Variants in SMC3 observed in about 807,000 individuals in gnomAD.
SMC3 encodes the protein structural maintenance of chromosomes protein 3.
Under a neutral mutation model 171.8 loss-of-function variants are expected in SMC3, and 20 were observed. The observed-to-expected ratio is 0.12, with a 90% CI of 0.08 to 0.17. The LOEUF (loss-of-function observed/expected upper bound fraction) is 0.17. Among genes scored for constraint, SMC3 ranks in the 10% least tolerant of loss-of-function variants. The probability of loss-of-function intolerance (pLI) is 1.00; values close to 1 mark genes in which losing one functional copy is unlikely to be tolerated. For missense variants in SMC3, 543 were observed against 1,420.4 expected (o/e 0.38, Z 9.93); for synonymous variants, 464 against 451.1 (o/e 1.03, Z -0.36).
In SMC3 at chr10:110,593,136, G is replaced by T; in HGVS notation, c.1876G>T (p.Val626Leu). The T allele has an allele frequency of 6.2e-7, 1 of 1,613,374 alleles. No homozygotes were observed. The highest frequency in any genetic ancestry group is 8.5e-7 in the Non-Finnish European group (1 of 1,179,282). ...NPRFDKAFKH[V>L]FGKTLICRSM... ...CAGATTTGACAAAGCTTTCAAACAT[G>T]TGTTTGGAAAGACTCTTATTTGTCG... The change falls in exon 18 of 29, where the codon GTG becomes TTG. Residue 626 changes from valine (V) to leucine (L), a missense_variant. Val to Leu is a conservative substitution (Grantham distance 32). Transcript: ENST00000361804.
intron 18 of SMC3, among the ~76,000 whole-genome samples, chr10:110,593,918 G>A (rs1861251157): frequency 6.6e-6 from 1 of 152,060 alleles, no homozygotes; most frequent in South Asian, 2.1e-4. Context: ...AACCTGGGAG[G>A]CAGAGGGTGC....
chr10:110,574,517 T>C (rs963976900), intron 3 of SMC3, among the ~76,000 whole-genome samples: 1 of 152,246 alleles, frequency 6.6e-6, no homozygotes, highest in Non-Finnish European at 1.5e-5. Flanking sequence ...AAAGGCACTC[T>C]CTAGCCTGTA....
At chr10:110,575,083 C>T (rs1223332835) in intron 3 of SMC3, among the ~76,000 whole-genome samples, 4 of 152,016 alleles carry the variant, frequency 2.6e-5, no homozygotes, top group East Asian at 3.9e-4. Context: ...TCATGTATTT[C>T]GGTGGTTTCT....
Position 110,600,540 on chromosome 10 carries a change from A to T in SMC3, c.2529A>T (p.Val843=). 1 of 1,506,214 alleles carries T rather than the reference A, an allele frequency of 6.6e-7. No individual in the cohort carries two copies. Among genetic ancestry groups the T allele is most frequent in the Non-Finnish European group, 9.2e-7 (1 of 1,081,938 alleles). The allele number at this position is 1,506,214 out of a possible 1,614,324, so 93.3% of individuals were successfully genotyped here. ...ATCTGAGAAAACGCTTGGACCAAGT[A>T]GAACAGGTGTGTATGTGTTTTTTTT... ...NENLRKRLDQ[V]EQELNELRET... is the part of the protein sequence containing the mutation. Residue 843 remains valine, a synonymous_variant, in exon 22 of 29, where the codon GTA becomes GTT. Coordinates refer to ENST00000361804, the MANE Select transcript of SMC3 (RefSeq NM_005445.4).
At chr10:110,592,438 GTGT>G (rs1861222635) in intron 17 of SMC3, among the ~76,000 whole-genome samples, 1 of 151,912 alleles carries the variant, frequency 6.6e-6, no homozygotes, top group African/African-American at 2.4e-5. Flanking sequence ...GGTTATGTTG[GTGT>G]TCTATTAATT....
intron 25 of SMC3, 106 bp downstream of exon 25, chr10:110,602,284 C>G (rs1022229427): frequency 2.7e-6 from 3 of 1,096,466 alleles, no homozygotes; most frequent in South Asian, 1.3e-5. Context: ...CCAGGTGAAT[C>G]TAATACATGT....
In SMC3 at chr10:110,583,160, G is replaced by T. The variant is rs148447378; in HGVS notation, c.805-224G>T. 3.3e-3 allele frequency among the ~76,000 whole-genome samples: 502 copies of T among 152,216 alleles called. 3 individuals are homozygous for T. Among genetic ancestry groups the T allele is most frequent in the African/African-American group, 0.011 (467 of 41,520 alleles). ...TCCCACCTGGGCCTCCCAAAGTGCT[G>T]AGTTTACAGGCATGAGCAACCATGT... On this transcript the variant is annotated intron_variant, in intron 10 of 28. Transcript: ENST00000361804.
chr10:110,577,725 A>G, intron 5 of SMC3, 110 bp from the exon 6 acceptor site: 2 of 778,644 alleles, frequency 2.6e-6, no homozygotes, highest in Non-Finnish European at 2.1e-6. Flanking sequence ...TAGTGAGATA[A>G]TTGAAATTTT....
chr10:110,604,756 G>T lies in SMC3; in HGVS notation c.*454G>T. On this transcript the variant is annotated 3_prime_UTR_variant, in exon 29 of 29. Coordinates refer to ENST00000361804, the MANE Select transcript of SMC3 (RefSeq NM_005445.4). ...TTTAAAAGACCTGTCTCCAAATACAGTTAAATTTGAGGTATTGAGGGTTAG... is the reference window on the plus strand; with the variant it reads ...TTTAAAAGACCTGTCTCCAAATACATTTAAATTTGAGGTATTGAGGGTTAG... 1 of 166,666 alleles carries T rather than the reference G, an allele frequency of 6.0e-6. No homozygotes were observed. The highest frequency in any genetic ancestry group is 1.3e-5 in the Non-Finnish European group (1 of 77,120). The allele number at this position is 166,666 out of a possible 1,614,324, so 10.3% of individuals were successfully genotyped here.
intron 7 of SMC3, among the ~76,000 whole-genome samples, chr10:110,580,588 G>T (rs1861016635): frequency 6.6e-6 from 1 of 152,160 alleles, no homozygotes; most frequent in South Asian, 2.1e-4. Flanking sequence ...AACTTGGCAT[G>T]TCCCAAATTC....
rs144693211 is a variant in SMC3 at position 110,569,655 on chromosome 10, C to G, written c.91+642C>G. On this transcript the variant is annotated intron_variant, in intron 2 of 28. Transcript: ENST00000361804. ...GAAAAAAAAAATCCCAGTTGTGGCACACGTTCTTTTTCACTTTCTGAGAAG... is the reference window on the plus strand; with the variant it reads ...GAAAAAAAAAATCCCAGTTGTGGCAGACGTTCTTTTTCACTTTCTGAGAAG... Among the ~76,000 whole-genome samples the G allele has an allele frequency of 1.1e-4, 17 of 152,176 alleles. No homozygotes were observed. The East Asian group carries it at 3.3e-3, about 29-fold the overall frequency.
At chr10:110,572,157 C>G (rs1213514828) in intron 2 of SMC3, among the ~76,000 whole-genome samples, 2 of 152,188 alleles carry the variant, frequency 1.3e-5, no homozygotes, top group African/African-American at 4.8e-5. Flanking sequence ...TCCCCACTTG[C>G]TGTATCATTT....
intron 2 of SMC3, among the ~76,000 whole-genome samples, chr10:110,571,799 T>TAAAAATGGGTTCATTTTTAAATA (rs1339866035): frequency 5.5e-4 from 28 of 51,240 alleles, no homozygotes; most frequent in Admixed American, 1.3e-3. Context: ...CATTTTTAAA[T>TAAAAATGGGTTCATTTTTAAATA]AAAAATGGGT....
Position 110,602,684 on chromosome 10 carries a change from C to A in SMC3, c.3297+19C>A, listed in dbSNP as rs781556692. ...AATTAGGGTAAAATACCTTTATATT[C>A]CATTTTCCTCAGAGCATTACCATAA... On this transcript the variant is annotated intron_variant, in intron 26 of 28. Transcript: ENST00000361804. 6.2e-7 allele frequency: 1 copy of A among 1,601,948 alleles called. No homozygotes were observed.
At chr10:110,582,359 TA>T (rs1590555520) in intron 9 of SMC3, among the ~76,000 whole-genome samples, 2 of 13,180 alleles carry the variant, frequency 1.5e-4, no homozygotes, top group East Asian at 2.0e-3. Context: ...AGGCTTCTTG[TA>T]GTTGTAGTAT....
In SMC3 at chr10:110,596,507, A is replaced by G. The variant is rs1246917337; in HGVS notation, c.2073A>G (p.Glu691=). ...GAAAAGCAGAAGAAGAACTAGGTGA[A>G]CTTGAAGCAAAGCTCAATGAAAACC... The part of the protein sequence containing the change: ...DVRKAEEELG[E]LEAKLNENLR... The change falls in exon 19 of 29, where the codon GAA becomes GAG. Residue 691 remains glutamate (E), a synonymous_variant. Coordinates refer to ENST00000361804, the MANE Select transcript of SMC3 (RefSeq NM_005445.4). 6.2e-7 allele frequency: 1 copy of G among 1,614,104 alleles called. No homozygotes were observed. The highest frequency in any genetic ancestry group is 8.5e-7 in the Non-Finnish European group (1 of 1,179,988).
intron 13 of SMC3, among the ~76,000 whole-genome samples, chr10:110,585,152 G>T (rs907169321): frequency 2.0e-5 from 3 of 151,564 alleles, no homozygotes; most frequent in Non-Finnish European, 4.4e-5. Context: ...AGCTAATTTT[G>T]TATTTTTAGT....
chr10:110,601,611 C>A, intron 23 of SMC3, 26 bp from the exon 24 acceptor site: 1 of 1,605,866 alleles, frequency 6.2e-7, no homozygotes, highest in Non-Finnish European at 8.5e-7. Context: ...GGTATTATAG[C>A]CTAATTTTGT....
intron 2 of SMC3, among the ~76,000 whole-genome samples, chr10:110,572,601 G>T (rs186841526): frequency 1.1e-4 from 16 of 152,254 alleles, no homozygotes; most frequent in Admixed American, 2.0e-4. Flanking sequence ...CCCAGTCAAG[G>T]TCTAATGTTT....
Sources: allele counts gnomAD v4.1 joint callset (sites outside exome capture counted in the v4.1 genomes callset), GRCh38; gene constraint gnomAD v4.1.1; transcripts MANE v1.5; gene names NCBI Gene and HGNC (gene_info 2026-07-23, HGNC 2026-07-21).